The following CCDC169 variants were observed in gnomAD, a reference collection of about 807,000 sequenced individuals.
CCDC169 encodes coiled-coil domain containing 169, also known as coiled-coil domain-containing protein 169.
In CCDC169, 30 loss-of-function variants were observed where a neutral mutation model predicts 36.0. The ratio of observed to expected loss-of-function variants is 0.83; its 90% CI spans 0.62 to 1.13. The LOEUF is 1.13. CCDC169 is among the 50% of genes most tolerant of loss of function. The pLI is 0.00. For missense variants in CCDC169, 245 were observed against 245.9 expected (o/e 1.00, Z 0.03); for synonymous variants, 85 against 81.5 (o/e 1.04, Z -0.23).
chr13:36,277,416 CAT>C lies in CCDC169; in HGVS notation c.315+6051_315+6052del, dbSNP rs1044408738. Among the ~76,000 whole-genome samples, 4 of 152,266 alleles carry C rather than the reference CAT, an allele frequency of 2.6e-5. No individual in the cohort carries two copies. In the South Asian group the frequency reaches 6.2e-4, roughly 24 times the overall value. On this transcript the variant is annotated intron_variant, in intron 4 of 7. Coordinates refer to ENST00000239859, the MANE Select transcript of CCDC169 (RefSeq NM_001144981.3). ...ATAGGTGCAGCAAACCACCATGGCA[CAT>C]GTTTACCTATGTAACAAACCTGCAC...
chr13:36,281,055 G>C, intron 4 of CCDC169: 1 of 318,980 alleles, frequency 3.1e-6, no homozygotes, highest in Non-Finnish European at 6.1e-6. Context: ...GACGTGACCG[G>C]CTTTCACCTT....
chr13:36,286,186 G>A (rs1195651964), intron 2 of CCDC169, among the ~76,000 whole-genome samples: 2 of 152,140 alleles, frequency 1.3e-5, no homozygotes, highest in Non-Finnish European at 2.9e-5. Context: ...GAATTTCCCA[G>A]CAGCTGCCAA....
intron 4 of CCDC169, among the ~76,000 whole-genome samples, chr13:36,255,179 C>T (rs1213416052): frequency 3.3e-5 from 5 of 152,190 alleles, no homozygotes; most frequent in Admixed American, 3.3e-4. Context: ...CAACTTGTAG[C>T]AGTCTGATAC....
At chr13:36,241,412 A>G (rs1403815344) in intron 7 of CCDC169, among the ~76,000 whole-genome samples, 1 of 152,086 alleles carries the variant, frequency 6.6e-6, no homozygotes, top group African/African-American at 2.4e-5. Flanking sequence ...CTTCCTTTCC[A>G]TTGGTATTAA....
At chr13:36,267,865 A>T (rs1033450854) in intron 4 of CCDC169, among the ~76,000 whole-genome samples, 1 of 152,202 alleles carries the variant, frequency 6.6e-6, no homozygotes, top group African/African-American at 2.4e-5. Context: ...AAAGATGGTC[A>T]CTATATAATG....
chr13:36,279,809 A>T (rs1877279691), intron 4 of CCDC169, among the ~76,000 whole-genome samples: 1 of 152,240 alleles, frequency 6.6e-6, no homozygotes, highest in Admixed American at 6.5e-5. Context: ...TAGCTACAAC[A>T]AAGATCAGAG....
downstream of CCDC169, chr13:36,224,152 A>T (rs1869745178): frequency 6.6e-6 from 1 of 152,186 alleles, no homozygotes; most frequent in South Asian, 2.1e-4. Context: ...ATTTAAATTT[A>T]AATAAGTCAA....
intron 7 of CCDC169, among the ~76,000 whole-genome samples, chr13:36,245,940 G>A (rs9546873): frequency 0.41 from 61,664 of 151,946 alleles, 13,288 homozygotes; most frequent in Non-Finnish European, 0.48. Flanking sequence ...TACTATATCC[G>A]TTAATGGTGA....
intron 4 of CCDC169, among the ~76,000 whole-genome samples, chr13:36,263,037 G>C (rs1874791203): frequency 1.3e-5 from 2 of 152,134 alleles, no homozygotes; most frequent in South Asian, 4.1e-4. Context: ...CTCTACAAAG[G>C]AGATGTTAAA....
At chr13:36,296,383 AGGCCC>A (rs1211135404) in intron 1 of CCDC169, among the ~76,000 whole-genome samples, 3 of 152,182 alleles carry the variant, frequency 2.0e-5, no homozygotes, top group Non-Finnish European at 4.4e-5. Flanking sequence ...GTGAGCCACC[AGGCCC>A]GGCCCTTGGA....
intron 7 of CCDC169, among the ~76,000 whole-genome samples, chr13:36,245,302 G>T (rs1225450426): frequency 8.1e-5 from 12 of 148,730 alleles, no homozygotes; most frequent in Non-Finnish European, 1.8e-4. Flanking sequence ...CTGTGTTTTT[G>T]TTTTTTTTTT....
rs188945049 is a variant in CCDC169, at chr13:36,237,625, G to A, written c.546-6333C>T. Among the ~76,000 whole-genome samples the A allele has an allele frequency of 5.9e-5, 9 of 152,242 alleles. No homozygotes were observed. The South Asian group carries it at 8.3e-4, about 14-fold the overall frequency. The stretch of plus-strand genomic sequence containing the variant: ...TGTCACAGAAAGGAATAAGGAATTC[G>A]TATATGTTCCAACATGGATGAACCA... On this transcript the variant is annotated intron_variant, in intron 7 of 7. Coordinates refer to ENST00000239859, the MANE Select transcript of CCDC169 (RefSeq NM_001144981.3).
intron 7 of CCDC169, among the ~76,000 whole-genome samples, chr13:36,241,060 A>G (rs1400760499): frequency 6.6e-6 from 1 of 152,162 alleles, no homozygotes; most frequent in Non-Finnish European, 1.5e-5. Context: ...CATAGTCTAT[A>G]TAGTAGGACT....
At chr13:36,281,277 A>T (rs971199996) in intron 4 of CCDC169, 2 of 444,150 alleles carry the variant, frequency 4.5e-6, no homozygotes, top group African/African-American at 4.1e-5. Context: ...CATGAGGAAA[A>T]AAAAGAAAAG....
intron 4 of CCDC169, among the ~76,000 whole-genome samples, chr13:36,273,897 A>C (rs1876433174): frequency 6.6e-6 from 1 of 152,154 alleles, no homozygotes; most frequent in Admixed American, 6.5e-5. Context: ...AGCCTCTAAC[A>C]CATGACTTTG....
downstream of CCDC169, chr13:36,222,195 T>A (rs1869647027): frequency 6.6e-6 from 1 of 151,790 alleles, no homozygotes; most frequent in Admixed American, 6.6e-5. Context: ...CTGAGAGGAA[T>A]GAAGTGAGGC....
At chr13:36,283,181 G>T in intron 4 of CCDC169, 2 of 357,742 alleles carry the variant, frequency 5.6e-6, no homozygotes, top group Non-Finnish European at 5.0e-6. Flanking sequence ...TTCATTATTA[G>T]CAAAAACACA....
At chr13:36,291,512 G>T (rs1236526643) in intron 2 of CCDC169, among the ~76,000 whole-genome samples, 2 of 151,818 alleles carry the variant, frequency 1.3e-5, no homozygotes, top group African/African-American at 4.8e-5. Flanking sequence ...GGTTATTGCT[G>T]GCATTTGTTT....
At chr13:36,230,735 CATA>C, downstream of CCDC169, 1 of 981,608 alleles carries the variant, frequency 1.0e-6, no homozygotes, top group Non-Finnish European at 1.2e-6. Context: ...TCTACGATAC[CATA>C]ATATTTCAAG....
Sources: gnomAD v4.1 joint callset for allele counts (sites outside exome capture counted in the v4.1 genomes callset) on GRCh38, gnomAD v4.1.1 for gene constraint, MANE v1.5 for transcripts, NCBI Gene and HGNC (gene_info 2026-07-23, HGNC 2026-07-21) for gene names.